ATXN2: variants seen among roughly 807,000 people sequenced by gnomAD.
ATXN2 encodes the protein ataxin 2.
A neutral mutation model predicts 138.6 loss-of-function variants in ATXN2; 37 were observed. That is an observed-to-expected ratio of 0.27 (90% CI 0.21 to 0.35). ATXN2 has a LOEUF of 0.35. ATXN2 is among the 10% of genes least tolerant of loss of function. The pLI is 1.00. For synonymous variants in ATXN2, 549 were observed against 543.7 expected, an observed-to-expected ratio of 1.01 and a Z score of -0.13; for missense variants, 1,216 against 1,480.3, an observed-to-expected ratio of 0.82 and a Z score of 2.93.
chr12:111,452,826 G>A lies in ATXN2; in HGVS notation c.3454C>T (p.Gln1152Ter). 1 of 1,613,848 alleles carries A rather than the reference G, an allele frequency of 6.2e-7. No homozygotes were observed. The highest frequency in any genetic ancestry group is 2.2e-5 in the East Asian group (1 of 44,880). Residue 1152 changes from glutamine to a stop codon, truncating the protein, a stop_gained, in exon 25 of 25, where the codon CAA becomes TAA. Transcript: ENST00000673436. LOFTEE classifies it high-confidence loss of function. Reference sequence around the variant, plus strand: ...CCAGGGCAGCCTTACAACTGCTGTTGGTGGTGGGCTTGTACTGTAAAAAGA... The same window carrying A: ...CCAGGGCAGCCTTACAACTGCTGTTAGTGGTGGGCTTGTACTGTAAAAAGA... ...MTHPSVQAHH[Q>*]QQL
intron 18 of ATXN2, chr12:111,471,685 T>G (rs980398315): frequency 2.0e-5 from 3 of 152,060 alleles, no homozygotes; most frequent in Admixed American, 6.6e-5. Context: ...TTATTTTATC[T>G]ATGTAGGAAA....
At chr12:111,574,454 G>A (rs909358624) in intron 1 of ATXN2, among the ~76,000 whole-genome samples, 5 of 151,592 alleles carry the variant, frequency 3.3e-5, no homozygotes, top group African/African-American at 1.2e-4. Context: ...GGGGGATAGG[G>A]TCTCACTCTG....
intron 14 of ATXN2, among the ~76,000 whole-genome samples, chr12:111,503,587 TA>T (rs1201398970): frequency 1.4e-4 from 21 of 152,056 alleles, no homozygotes; most frequent in East Asian, 7.7e-4. Flanking sequence ...CTGGGACACA[TA>T]TTTTTTTTTT....
At chr12:111,576,161 T>C (rs1883637255) in intron 1 of ATXN2, among the ~76,000 whole-genome samples, 1 of 146,356 alleles carries the variant, frequency 6.8e-6, no homozygotes, top group African/African-American at 2.6e-5. Flanking sequence ...ACCAATAGTC[T>C]GGCCGGGCAC....
Position 111,599,236 on chromosome 12 carries a change from C to T in ATXN2, c.-202G>A, listed in dbSNP as rs1435060483. On this transcript the variant is annotated 5_prime_UTR_variant, in exon 1 of 25. Coordinates refer to ENST00000673436, the MANE Select transcript of ATXN2 (RefSeq NM_001372574.1). Reference sequence around the variant, plus strand: ...GGGGAGGCCCGCCGAGACCAAGGAGCCGCCGGGAGCCGGGCCGAAACGCGC... The same window carrying T: ...GGGGAGGCCCGCCGAGACCAAGGAGTCGCCGGGAGCCGGGCCGAAACGCGC... 1.7e-6 allele frequency: 2 copies of T among 1,205,648 alleles called. No homozygotes were observed. The highest frequency in any genetic ancestry group is 3.6e-5 in the East Asian group (1 of 27,966). 74.7% of individuals were successfully genotyped at this position (1,205,648 alleles called of 1,614,324 possible).
rs1407251889 is a variant in ATXN2, at chr12:111,510,384, C to T, written c.1756+1G>A. 4 of 1,613,432 alleles carry T rather than the reference C, an allele frequency of 2.5e-6. No individual in the cohort carries two copies. The highest frequency in any genetic ancestry group is 3.4e-6 in the Non-Finnish European group (4 of 1,179,562). On this transcript the variant is annotated splice_donor_variant, in intron 12 of 24. Coordinates refer to ENST00000673436, the MANE Select transcript of ATXN2 (RefSeq NM_001372574.1). LOFTEE classifies it high-confidence loss of function. Reference sequence around the variant, plus strand: ...GGATCCAGAAGCCCTTTGTTACATACCCTCACTAGAAGGGGTAACAGCTCT... The same window carrying T: ...GGATCCAGAAGCCCTTTGTTACATATCCTCACTAGAAGGGGTAACAGCTCT...
At chr12:111,460,800 T>G in intron 21 of ATXN2, among the ~76,000 whole-genome samples, 1 of 152,246 alleles carries the variant, frequency 6.6e-6, no homozygotes. Flanking sequence ...GATGAAATAT[T>G]TTTACTATGC....
intron 8 of ATXN2, 43 bp from the exon 9 acceptor site, chr12:111,518,470 A>G: frequency 6.5e-7 from 1 of 1,543,104 alleles, no homozygotes; most frequent in East Asian, 2.3e-5. Flanking sequence ...TCTAAAAGGT[A>G]CCAAGCCAAT....
At chr12:111,536,515 T>C (rs1881186188) in intron 5 of ATXN2, among the ~76,000 whole-genome samples, 1 of 152,080 alleles carries the variant, frequency 6.6e-6, no homozygotes, top group Admixed American at 6.5e-5. Context: ...TGTAAAATGA[T>C]ACAGCTACGT....
intron 18 of ATXN2, among the ~76,000 whole-genome samples, chr12:111,475,102 T>A (rs1876701581): frequency 6.6e-6 from 1 of 151,934 alleles, no homozygotes; most frequent in South Asian, 2.1e-4. Context: ...TAGTCCCAGC[T>A]ACTCAGGAGG....
intron 1 of ATXN2, among the ~76,000 whole-genome samples, chr12:111,576,585 G>C (rs1592920053): frequency 1.3e-5 from 2 of 152,064 alleles, no homozygotes; most frequent in African/African-American, 4.8e-5. Flanking sequence ...CCGGGTTCAA[G>C]AGATTCTCCT....
At chr12:111,599,394 C>CCCGCCCGCT (rs1249427887), upstream of ATXN2, 4,724 of 1,164,712 alleles carry the variant, frequency 4.1e-3, 12 homozygotes, top group Non-Finnish European at 4.6e-3. Context: ...CCACCGCCGC[C>CCCGCCCGCT]CCGCCCGCTC....
At chr12:111,593,618 A>G (rs34753152) in intron 1 of ATXN2, among the ~76,000 whole-genome samples, 9,163 of 151,900 alleles carry the variant, frequency 0.06, 919 homozygotes, top group African/African-American at 0.21. Context: ...CTTAAAAAAA[A>G]AAAAAGAAAA....
At chr12:111,456,860 T>G (rs1364975918) in intron 22 of ATXN2, among the ~76,000 whole-genome samples, 1 of 151,986 alleles carries the variant, frequency 6.6e-6, no homozygotes, top group Non-Finnish European at 1.5e-5. Flanking sequence ...CCATTCTCCT[T>G]CCTCAGCCTC....
At chr12:111,464,596 T>G in intron 21 of ATXN2, 66 bp downstream of exon 21, 1 of 1,309,280 alleles carries the variant, frequency 7.6e-7, no homozygotes, top group South Asian at 1.2e-5. Flanking sequence ...TCTACTCCCT[T>G]AACATGTATC....
intron 5 of ATXN2, among the ~76,000 whole-genome samples, chr12:111,533,531 G>T (rs1880964490): frequency 7.0e-6 from 1 of 143,746 alleles, no homozygotes; most frequent in South Asian, 2.1e-4. Flanking sequence ...TTTCTTTTCA[G>T]ACAGTTTTTT....
chr12:111,591,752 A>AT (rs939425571), intron 1 of ATXN2, among the ~76,000 whole-genome samples: 4 of 149,596 alleles, frequency 2.7e-5, no homozygotes, highest in Non-Finnish European at 4.4e-5. Context: ...AAGATTTAGG[A>AT]TTTTTTGTTG....
intron 1 of ATXN2, chr12:111,564,946 C>T (rs1029520094): frequency 5.3e-5 from 8 of 152,168 alleles, no homozygotes; most frequent in African/African-American, 1.9e-4. Context: ...TGGTCTCCAG[C>T]TCCTGAACTC....
At chr12:111,550,938 T>C (rs1882082235) in intron 5 of ATXN2, among the ~76,000 whole-genome samples, 1 of 152,214 alleles carries the variant, frequency 6.6e-6, no homozygotes, top group Admixed American at 6.5e-5. Context: ...CAAATTGTAC[T>C]GAACTACAAT....
Sources: allele counts gnomAD v4.1 joint callset (sites outside exome capture counted in the v4.1 genomes callset), GRCh38; gene constraint gnomAD v4.1.1; transcripts MANE v1.5; gene names NCBI Gene and HGNC (gene_info 2026-07-23, HGNC 2026-07-21).